Variants in ELMO1 observed in about 807,000 individuals in gnomAD.
The protein encoded by ELMO1 is engulfment and cell motility protein 1.
In ELMO1, 26 loss-of-function variants were observed where a neutral mutation model predicts 98.9. The observed-to-expected ratio is 0.26, with a 90% CI of 0.19 to 0.36. The LOEUF (loss-of-function observed/expected upper bound fraction) is 0.36. Among genes scored for constraint, ELMO1 ranks in the 10% least tolerant of loss-of-function variants. ELMO1 has a pLI of 1.00. For missense variants in ELMO1, 627 were observed against 935.2 expected (o/e 0.67, Z 4.30); for synonymous variants, 346 against 346.0 (o/e 1.00, Z 0.00).
At chr7:37,077,773 A>C (rs1441083175) in intron 15 of ELMO1, among the ~76,000 whole-genome samples, 1 of 152,108 alleles carries the variant, frequency 6.6e-6, no homozygotes, top group Non-Finnish European at 1.5e-5. Context: ...CCACAGGTGG[A>C]GAGAGGAGCT....
intron 16 of ELMO1, among the ~76,000 whole-genome samples, chr7:37,006,367 CCA>C (rs1793123226): frequency 6.6e-6 from 1 of 152,182 alleles, no homozygotes; most frequent in Non-Finnish European, 1.5e-5. Flanking sequence ...AGCTTAATCC[CCA>C]CAGTGACTCT....
At chr7:37,223,238 A>G (rs1793694727) in intron 9 of ELMO1, among the ~76,000 whole-genome samples, 1 of 152,266 alleles carries the variant, frequency 6.6e-6, no homozygotes. Context: ...AACCAGAAAT[A>G]ATAAAATGAA....
At chr7:37,447,714 C>CACACA (rs1554316231) in intron 1 of ELMO1, among the ~76,000 whole-genome samples, 2 of 132,140 alleles carry the variant, frequency 1.5e-5, no homozygotes, top group Non-Finnish European at 3.2e-5. Context: ...CGCGCACACA[C>CACACA]CACACACACA....
At chr7:37,340,870 T>C (rs1216817191) in intron 2 of ELMO1, among the ~76,000 whole-genome samples, 1 of 152,242 alleles carries the variant, frequency 6.6e-6, no homozygotes, top group Non-Finnish European at 1.5e-5. Flanking sequence ...GTTCCCAAAC[T>C]GCACTGACCA....
At chr7:37,020,240 T>C (rs965903650) in intron 15 of ELMO1, among the ~76,000 whole-genome samples, 10 of 152,184 alleles carry the variant, frequency 6.6e-5, no homozygotes, top group African/African-American at 1.4e-4. Flanking sequence ...TCCATATACA[T>C]AGATGCCAGA....
At chr7:37,406,212 A>G (rs35902668) in intron 1 of ELMO1, among the ~76,000 whole-genome samples, 35,068 of 151,558 alleles carry the variant, frequency 0.23, 4,279 homozygotes, top group East Asian at 0.41. Flanking sequence ...TAAAGATGGT[A>G]CAAGTGAAAA....
At chr7:37,410,143 G>A (rs1391567729) in intron 1 of ELMO1, among the ~76,000 whole-genome samples, 1 of 152,126 alleles carries the variant, frequency 6.6e-6, no homozygotes, top group Non-Finnish European at 1.5e-5. Context: ...AATTGCTCTA[G>A]CTCAGAGAGT....
In ELMO1 at chr7:37,182,460, T is replaced by TC. The variant is rs397941857; in HGVS notation, c.1086+28925_1086+28926insG. Among the ~76,000 whole-genome samples, 11 of 117,640 alleles carry TC rather than the reference T, an allele frequency of 9.4e-5. 4 individuals carry two copies. Among genetic ancestry groups the TC allele is most frequent in the African/African-American group, 1.4e-4 (4 of 29,098 alleles). 77.2% of individuals were successfully genotyped at this position (117,640 alleles called of 152,430 possible). ...GAAGATCATGAGTGCTCTTGTGCTC[T>TC]ACTTTTTTTTTTTTTTTTTTTTTTT... is the stretch of plus-strand genomic sequence containing the variant. On this transcript the variant is annotated intron_variant, in intron 13 of 21. Coordinates refer to ENST00000310758, the MANE Select transcript of ELMO1 (RefSeq NM_014800.11).
chr7:37,192,497 C>CAAAA (rs535794727), intron 13 of ELMO1, among the ~76,000 whole-genome samples: 11 of 104,380 alleles, frequency 1.1e-4, no homozygotes, highest in African/African-American at 1.9e-4. Context: ...GACTCCATCT[C>CAAAA]AAAAAAAAAA....
chr7:37,154,434 T>C (rs1788585891), intron 13 of ELMO1, among the ~76,000 whole-genome samples: 1 of 152,048 alleles, frequency 6.6e-6, no homozygotes, highest in Non-Finnish European at 1.5e-5. Context: ...GTTAGATGAA[T>C]AGCTAACTAG....
intron 16 of ELMO1, among the ~76,000 whole-genome samples, chr7:36,906,591 G>A (rs1448493684): frequency 1.3e-5 from 2 of 152,206 alleles, no homozygotes; most frequent in Non-Finnish European, 2.9e-5. Context: ...GCTGGGAGCA[G>A]AGAGAATAAC....
chr7:37,015,032 T>A (rs1003941684), intron 15 of ELMO1, among the ~76,000 whole-genome samples: 2 of 152,130 alleles, frequency 1.3e-5, no homozygotes, highest in Admixed American at 6.5e-5. Context: ...CCTTCATGAA[T>A]ACAGTGAATT....
At chr7:37,361,101 T>A (rs1801682337) in intron 1 of ELMO1, among the ~76,000 whole-genome samples, 1 of 152,208 alleles carries the variant, frequency 6.6e-6, no homozygotes, top group African/African-American at 2.4e-5. Context: ...GGTACATTTT[T>A]AAAAATATTA....
At chr7:37,292,587 C>T (rs1797764183) in intron 4 of ELMO1, among the ~76,000 whole-genome samples, 1 of 114,536 alleles carries the variant, frequency 8.7e-6, no homozygotes. Context: ...GTGGGGAGCA[C>T]CTCTGCCCTG....
intron 1 of ELMO1, among the ~76,000 whole-genome samples, chr7:37,414,822 C>G (rs1583716535): frequency 1.3e-5 from 2 of 152,326 alleles, no homozygotes; most frequent in South Asian, 2.1e-4. Context: ...TACAATGAAC[C>G]TTTCCCTGTG....
chr7:36,893,242 G>A (rs1030481649), intron 17 of ELMO1, among the ~76,000 whole-genome samples: 3 of 152,162 alleles, frequency 2.0e-5, no homozygotes, highest in African/African-American at 7.2e-5. Flanking sequence ...CCAGTACACT[G>A]TAGGCCCTGG....
chr7:37,395,229 T>C (rs991792425), intron 1 of ELMO1, among the ~76,000 whole-genome samples: 2 of 151,960 alleles, frequency 1.3e-5, no homozygotes, highest in African/African-American at 4.8e-5. Context: ...TAGCTGGGCG[T>C]AGTAGTGCAT....
At chr7:37,364,790 G>T (rs901600003) in intron 1 of ELMO1, among the ~76,000 whole-genome samples, 1 of 152,094 alleles carries the variant, frequency 6.6e-6, no homozygotes, top group Non-Finnish European at 1.5e-5. Flanking sequence ...TATTACCATT[G>T]ATAGAAAGAT....
chr7:36,946,780 C>T (rs1346420494), intron 16 of ELMO1, among the ~76,000 whole-genome samples: 2 of 152,176 alleles, frequency 1.3e-5, no homozygotes, highest in Admixed American at 6.5e-5. Context: ...GTCCCTTCTT[C>T]TCTTCTCACT....
Sources: gnomAD v4.1 joint callset for allele counts (sites outside exome capture counted in the v4.1 genomes callset) on GRCh38, gnomAD v4.1.1 for gene constraint, MANE v1.5 for transcripts, NCBI Gene and HGNC (gene_info 2026-07-23, HGNC 2026-07-21) for gene names.